KMT2E: variants seen among roughly 807,000 people sequenced by gnomAD.
The protein encoded by KMT2E is lysine methyltransferase 2E (inactive), also known as histone reader KMT2E.
A neutral mutation model predicts 184.6 loss-of-function variants in KMT2E; 30 were observed. The observed-to-expected ratio is 0.16, with a 90% confidence interval of 0.12 to 0.22. The LOEUF is 0.22. Ranked by LOEUF, KMT2E falls within the 10% of genes least tolerant of loss-of-function variation. KMT2E has a pLI of 1.00. For missense variants in KMT2E, 2,023 were observed against 2,237.4 expected, an observed-to-expected ratio of 0.90 and a Z score of 1.93; for synonymous variants, 815 against 776.5, an observed-to-expected ratio of 1.05 and a Z score of -0.82.
intron 8 of KMT2E, 51 bp downstream of exon 8, chr7:105,074,866 C>A: frequency 7.3e-7 from 1 of 1,368,136 alleles, no homozygotes; most frequent in Non-Finnish European, 9.8e-7. Context: ...GGATAGGGAA[C>A]TGAATTTTAT....
At chr7:105,075,372 G>GA (rs1362474537) in intron 8 of KMT2E, among the ~76,000 whole-genome samples, 2 of 152,132 alleles carry the variant, frequency 1.3e-5, no homozygotes, top group Non-Finnish European at 2.9e-5. Flanking sequence ...AGATCTGGCA[G>GA]ATGAGTGGGC....
chr7:105,026,249 A>T (rs941488611), intron 1 of KMT2E, among the ~76,000 whole-genome samples: 1 of 152,160 alleles, frequency 6.6e-6, no homozygotes, highest in Admixed American at 6.5e-5. Context: ...TGTCTTGGAA[A>T]TCTAAAAATG....
At chr7:105,076,827 G>A (rs1204661832) in intron 9 of KMT2E, 136 bp from the exon 10 acceptor site, 1 of 666,830 alleles carries the variant, frequency 1.5e-6, no homozygotes, top group African/African-American at 1.8e-5. Flanking sequence ...TTAAACAGCA[G>A]TTTCTAGTTT....
At chr7:105,050,661 T>A (rs1012898484) in intron 3 of KMT2E, among the ~76,000 whole-genome samples, 14 of 151,534 alleles carry the variant, frequency 9.2e-5, no homozygotes, top group African/African-American at 2.9e-4. Context: ...TTTCTTTCTT[T>A]CTTTTTTCTT....
chr7:105,024,303 T>A (rs1786359228), intron 1 of KMT2E, among the ~76,000 whole-genome samples: 1 of 152,218 alleles, frequency 6.6e-6, no homozygotes, highest in Non-Finnish European at 1.5e-5. Context: ...AACAGATTGA[T>A]GGAAGTTCAG....
intron 3 of KMT2E, among the ~76,000 whole-genome samples, chr7:105,061,349 T>C (rs1326630597): frequency 1.3e-5 from 2 of 152,206 alleles, no homozygotes; most frequent in East Asian, 3.8e-4. Flanking sequence ...TGTTATAGTT[T>C]TGTAAAATAA....
At chr7:105,042,452 A>G (rs997116477) in intron 3 of KMT2E, among the ~76,000 whole-genome samples, 2 of 152,214 alleles carry the variant, frequency 1.3e-5, no homozygotes, top group Admixed American at 6.5e-5. Context: ...ACTTTGAGCA[A>G]TGTGTTTTAT....
intron 17 of KMT2E, 64 bp from the exon 18 acceptor site, chr7:105,105,375 T>G: frequency 1.6e-6 from 2 of 1,234,372 alleles, no homozygotes; most frequent in Non-Finnish European, 2.2e-6. Flanking sequence ...AATCTGGTAT[T>G]AGAATATTCA....
intron 3 of KMT2E, among the ~76,000 whole-genome samples, chr7:105,059,712 T>C (rs1235852229): frequency 6.6e-6 from 1 of 152,138 alleles, no homozygotes; most frequent in Non-Finnish European, 1.5e-5. Flanking sequence ...CATGAATACA[T>C]ATATTTTCGG....
intron 13 of KMT2E, 74 bp from the exon 14 acceptor site, chr7:105,089,935 G>C: frequency 6.4e-7 from 1 of 1,561,792 alleles, no homozygotes; most frequent in East Asian, 2.3e-5. Flanking sequence ...TGGAGTTGCA[G>C]CTTAAAATGG....
At position 105,112,546 on chromosome 7, in the gene KMT2E, A is replaced by T. The variant is rs1000242165; in HGVS notation, c.4790A>T (p.Gln1597Leu). 6.2e-7 allele frequency: 1 copy of T among 1,613,966 alleles called. No individual in the cohort carries two copies. Among genetic ancestry groups the T allele is most frequent in the Non-Finnish European group, 8.5e-7 (1 of 1,180,028 alleles). ...GCACTTCCTGGCACCACAAGCCAGC[A>T]AACAGTTCCAGGACACCACGTGACT... is the stretch of plus-strand genomic sequence containing the variant. ...NQALPGTTSQ[Q>L]TVPGHHVTPG... The change falls in exon 27 of 27, where the codon CAA (glutamine) becomes CTA (leucine). Residue 1597 changes from glutamine (Q) to leucine (L), a missense_variant. Gln to Leu is a moderately radical substitution (Grantham distance 113). This residue lies in a region of KMT2E where 1,108 missense variants were observed against 1,050.9 expected (regional missense o/e 1.05). Transcript: ENST00000311117.
At chr7:105,064,342 A>G (rs1796949840) in intron 5 of KMT2E, among the ~76,000 whole-genome samples, 1 of 151,568 alleles carries the variant, frequency 6.6e-6, no homozygotes. Context: ...GCTTTACAGA[A>G]TTTCCTGGGT....
chr7:105,048,635 T>C (rs901431218), intron 3 of KMT2E, among the ~76,000 whole-genome samples: 1 of 152,230 alleles, frequency 6.6e-6, no homozygotes, highest in African/African-American at 2.4e-5. Flanking sequence ...GAATTTAGAA[T>C]TAAATTTAGA....
intron 3 of KMT2E, among the ~76,000 whole-genome samples, chr7:105,046,474 T>A (rs1562889289): frequency 1.3e-5 from 2 of 152,244 alleles, no homozygotes; most frequent in African/African-American, 4.8e-5. Context: ...TCTCATTGAA[T>A]ATGTACGTTG....
Position 105,110,466 on chromosome 7 carries a change from T to C in KMT2E, c.3845-11T>C. 1 of 1,614,180 alleles carries C rather than the reference T, an allele frequency of 6.2e-7. No individual in the cohort carries two copies. The highest frequency in any genetic ancestry group is 8.5e-7 in the Non-Finnish European group (1 of 1,180,014). On this transcript the variant is annotated splice_polypyrimidine_tract_variant and intron_variant, in intron 24 of 26. Transcript: ENST00000311117. ...AATGTTCTCTTTGGGTCTGCTCTGC[T>C]TCATCTCTAGGGGGAGAATCACCAT...
rs753461698 is a variant in KMT2E at position 105,077,353 on chromosome 7, T to C, written c.1050T>C (p.Pro350=). 6.2e-7 allele frequency: 1 copy of C among 1,610,474 alleles called. No individual in the cohort carries two copies. The highest frequency in any genetic ancestry group is 8.5e-7 in the Non-Finnish European group (1 of 1,177,120). ...TTCTTAAATCTGCAAAAGATTTGCC[T>C]CCTGATGCACTTATCATTGAATACA... ...KKILKSAKDL[P]PDALIIEYRG... Residue 350 remains proline, a synonymous_variant, in exon 11 of 27, where the codon CCT becomes CCC. Transcript: ENST00000311117.
chr7:105,073,391 T>C (rs1208155101), intron 6 of KMT2E, among the ~76,000 whole-genome samples: 1 of 138,804 alleles, frequency 7.2e-6, no homozygotes, highest in African/African-American at 2.6e-5. Flanking sequence ...GGTGAGACCC[T>C]GTCTGGGGAA....
chr7:105,091,091 A>C, intron 14 of KMT2E, 125 bp from the exon 15 acceptor site: 1 of 503,252 alleles, frequency 2.0e-6, no homozygotes, highest in Non-Finnish European at 3.6e-6. Context: ...AAATTTCTTA[A>C]ATAATTTAAA....
At chr7:105,063,093 A>ATATCT (rs10679245) in intron 4 of KMT2E, among the ~76,000 whole-genome samples, 89,025 of 150,148 alleles carry the variant, frequency 0.59, 28,092 homozygotes, top group East Asian at 0.92. Context: ...GAACGTGAAG[A>ATATCT]TATGATTTGG....
Sources: allele counts gnomAD v4.1 joint callset (sites outside exome capture counted in the v4.1 genomes callset), GRCh38; gene constraint gnomAD v4.1.1; regional missense constraint gnomAD v4.1.1; transcripts MANE v1.5; gene names NCBI Gene and HGNC (gene_info 2026-07-23, HGNC 2026-07-21).